Variants in EIF4E1B observed in about 807,000 individuals in gnomAD.
EIF4E1B encodes eukaryotic translation initiation factor 4E type 1B.
In EIF4E1B, 22 loss-of-function variants were observed where a neutral mutation model predicts 31.3. The ratio of observed to expected loss-of-function variants is 0.70; its 90% CI spans 0.50 to 1.00. The LOEUF is 1.00. EIF4E1B is among the 50% of genes least tolerant of loss of function. The pLI is 0.00. For synonymous variants in EIF4E1B, 126 were observed against 120.2 expected (o/e 1.05, Z -0.31); for missense variants, 290 against 311.6 (o/e 0.93, Z 0.52).
chr5:176,637,942 G>T (rs111353542), intron 1 of EIF4E1B, among the ~76,000 whole-genome samples: 1 of 152,320 alleles, frequency 6.6e-6, no homozygotes, highest in Non-Finnish European at 1.5e-5. Flanking sequence ...TGGTGGCAAT[G>T]GAGACCAAGA....
chr5:176,632,476 G>A (rs1052253192), intron 1 of EIF4E1B, among the ~76,000 whole-genome samples: 11 of 152,154 alleles, frequency 7.2e-5, no homozygotes, highest in South Asian at 4.1e-4. Context: ...GGCTGGTCTC[G>A]AACTCCTGAC....
rs532280295 is a variant in EIF4E1B at position 176,636,187 on chromosome 5, C to A, written c.-202+5123C>A. Among the ~76,000 whole-genome samples the A allele has an allele frequency of 8.5e-5, 13 of 152,326 alleles. No individual in the cohort carries two copies. In the East Asian group the frequency reaches 2.3e-3, roughly 27 times the overall value. On this transcript the variant is annotated intron_variant, in intron 1 of 8. Transcript: ENST00000318682. ...CGTATGTGCTTCCCTCAGAAGGGGG[C>A]ACGGATACTGGGTCACCACTCTCTA...
rs773788240 is a variant in EIF4E1B at position 176,645,481 on chromosome 5, G to T, written c.579G>T (p.Arg193Ser). The T allele has an allele frequency of 5.9e-6, 9 of 1,518,914 alleles. No homozygotes were observed. Among genetic ancestry groups the T allele is most frequent in the Non-Finnish European group, 7.9e-6 (9 of 1,135,676 alleles). 94.1% of individuals were successfully genotyped at this position (1,518,914 alleles called of 1,614,324 possible). A position where few individuals can be genotyped will look rare whatever the true frequency, so the allele number is the denominator to read the frequency against. Reference protein sequence around the residue: ...TKGDKIAVWTREAENQAGVLH... With the variant: ...TKGDKIAVWTSEAENQAGVLH... ...GGGACAAGATCGCTGTGTGGACGAGGGAGGCGGAAAACCAGGCGGGCGTGC... is the reference window on the plus strand; with the variant it reads ...GGGACAAGATCGCTGTGTGGACGAGTGAGGCGGAAAACCAGGCGGGCGTGC... Residue 193 changes from arginine to serine, a missense_variant, in exon 8 of 9, where the codon AGG becomes AGT. Arg to Ser is a moderately radical substitution (Grantham distance 110). Transcript: ENST00000318682. The surrounding 1 kb of genome is among the most constrained non-coding windows in gnomAD (Gnocchi z 5.4).
chr5:176,642,851 TCCCCCCCC>T, intron 3 of EIF4E1B, 49 bp downstream of exon 3: 1 of 998,534 alleles, frequency 1.0e-6, no homozygotes, highest in Non-Finnish European at 1.3e-6. Context: ...CCCCGCCCTC[TCCCCCCCC>T]CCCCCCGCCC....
At chr5:176,637,479 A>T (rs1446805605) in intron 1 of EIF4E1B, among the ~76,000 whole-genome samples, 1 of 152,160 alleles carries the variant, frequency 6.6e-6, no homozygotes, top group Non-Finnish European at 1.5e-5. Flanking sequence ...AAGGCAAGTG[A>T]TGAGTAAAAT....
At position 176,646,004 on chromosome 5, in the gene EIF4E1B, T is replaced by A; in HGVS notation, c.*24T>A. On this transcript the variant is annotated 3_prime_UTR_variant, in exon 9 of 9. Transcript: ENST00000318682. ...GAGGGGGGCCTTGGCACCCCTCCTATGTAATGGGACAGCCGCCACTGAGCC... is the reference window on the plus strand; with the variant it reads ...GAGGGGGGCCTTGGCACCCCTCCTAAGTAATGGGACAGCCGCCACTGAGCC... 6.4e-7 allele frequency: 1 copy of A among 1,567,014 alleles called. No individual in the cohort carries two copies. The highest frequency in any genetic ancestry group is 8.7e-7 in the Non-Finnish European group (1 of 1,153,830).
intron 1 of EIF4E1B, among the ~76,000 whole-genome samples, chr5:176,634,312 G>A (rs1245159555): frequency 6.6e-6 from 1 of 152,094 alleles, no homozygotes; most frequent in Non-Finnish European, 1.5e-5. Context: ...TTTAACAAAT[G>A]GCACAAATGG....
chr5:176,631,310 C>A (rs1226068677), intron 1 of EIF4E1B, among the ~76,000 whole-genome samples: 2 of 152,186 alleles, frequency 1.3e-5, no homozygotes, highest in East Asian at 3.8e-4. Flanking sequence ...GAGAACAAAA[C>A]CACTTTTTTG....
chr5:176,643,599 T>G (rs766346748), intron 4 of EIF4E1B, 40 bp from the exon 5 acceptor site: 26 of 1,565,438 alleles, frequency 1.7e-5, no homozygotes, highest in Non-Finnish European at 2.2e-5. Context: ...TGGACTTGGC[T>G]CTCTGCTTCC....
At chr5:176,642,858 C>CACCCG (rs1055727224) in intron 3 of EIF4E1B, 56 bp downstream of exon 3, 5 of 1,290,768 alleles carry the variant, frequency 3.9e-6, no homozygotes, top group Non-Finnish European at 5.0e-6. Flanking sequence ...CTCTCCCCCC[C>CACCCG]CCCCCCCGCC....
At chr5:176,640,698 C>T (rs993219060) in intron 1 of EIF4E1B, among the ~76,000 whole-genome samples, 3 of 152,194 alleles carry the variant, frequency 2.0e-5, no homozygotes, top group Non-Finnish European at 4.4e-5. Context: ...TATCTGATTG[C>T]CTCCCCAGCC....
At position 176,643,558 on chromosome 5, in the gene EIF4E1B, G is replaced by T; in HGVS notation, c.201-81G>T. On this transcript the variant is annotated intron_variant, in intron 4 of 8. Coordinates refer to ENST00000318682, the MANE Select transcript of EIF4E1B (RefSeq NM_001099408.2). Reference sequence around the variant, plus strand: ...TCCCAGTTCGCCCTTGAAGGGGAGGGTCCTCCCTGTCAGTCCAGGTGCCCC... The same window carrying T: ...TCCCAGTTCGCCCTTGAAGGGGAGGTTCCTCCCTGTCAGTCCAGGTGCCCC... 2.9e-6 allele frequency: 4 copies of T among 1,362,094 alleles called. No homozygotes were observed. The Admixed American group carries it at 6.0e-5, about 21-fold the overall frequency. 84.4% of individuals were successfully genotyped at this position (1,362,094 alleles called of 1,614,324 possible).
At position 176,646,332 on chromosome 5, in the gene EIF4E1B, G is replaced by T. The variant is rs1396357122; in HGVS notation, c.*352G>T. On this transcript the variant is annotated 3_prime_UTR_variant, in exon 9 of 9. Transcript: ENST00000318682. The stretch of plus-strand genomic sequence containing the variant: ...ACCCAGGAAGGAGGTGAGGTGGCCT[G>T]AGAGACAGACTCTTCCATGGGTGGT... 2 of 228,896 alleles carry T rather than the reference G, an allele frequency of 8.7e-6. No individual in the cohort carries two copies. Among genetic ancestry groups the T allele is most frequent in the Non-Finnish European group, 1.8e-5 (2 of 112,166 alleles). 14.2% of individuals were successfully genotyped at this position (228,896 alleles called of 1,614,324 possible). A position where few individuals can be genotyped will look rare whatever the true frequency, so the allele number is the denominator to read the frequency against.
At chr5:176,637,777 G>A (rs189579507) in intron 1 of EIF4E1B, among the ~76,000 whole-genome samples, 169 of 152,266 alleles carry the variant, frequency 1.1e-3, no homozygotes, top group Non-Finnish European at 1.9e-3. Context: ...GGGCTCCTGC[G>A]CTGTGAGCAG....
At position 176,633,597 on chromosome 5, in the gene EIF4E1B, A is replaced by G. The variant is rs116425279; in HGVS notation, c.-202+2533A>G. On this transcript the variant is annotated intron_variant, in intron 1 of 8. Transcript: ENST00000318682. ...AGTGCTGGGATTACAGGTATGAGCT[A>G]TTGTACCTGGCCCATGAGCTGCCCA... is the stretch of plus-strand genomic sequence containing the variant. Among the ~76,000 whole-genome samples, 933 of 152,224 alleles carry G rather than the reference A, an allele frequency of 6.1e-3. 11 individuals are homozygous for G. The highest frequency in any genetic ancestry group is 0.022 in the African/African-American group (896 of 41,542).
chr5:176,644,140 A>C, intron 5 of EIF4E1B: 1 of 579,926 alleles, frequency 1.7e-6, no homozygotes, highest in Non-Finnish European at 3.1e-6. Flanking sequence ...AGGGGGGAGC[A>C]CCAGGGGGTC....
chr5:176,631,891 G>A (rs867009954), intron 1 of EIF4E1B, among the ~76,000 whole-genome samples: 5 of 152,156 alleles, frequency 3.3e-5, no homozygotes, highest in Admixed American at 1.3e-4. Context: ...TTTTTTTGTA[G>A]CAAAAAACTG....
chr5:176,642,667 C>A, intron 2 of EIF4E1B, 43 bp from the exon 3 acceptor site: 2 of 1,477,556 alleles, frequency 1.4e-6, no homozygotes, highest in South Asian at 1.3e-5. Flanking sequence ...GCAGACCTTG[C>A]TTTCCCTTCG....
intron 1 of EIF4E1B, chr5:176,641,716 G>GC (rs1311757327): frequency 2.0e-5 from 3 of 152,478 alleles, no homozygotes; most frequent in African/African-American, 4.8e-5. Context: ...ATGGTCACGA[G>GC]CCCCCCAAGT....
Sources: gnomAD v4.1 joint callset for allele counts (sites outside exome capture counted in the v4.1 genomes callset) on GRCh38, gnomAD v4.1.1 for gene constraint, Gnocchi (gnomAD v3.1) non-coding constraint, MANE v1.5 for transcripts, NCBI Gene and HGNC (gene_info 2026-07-23, HGNC 2026-07-21) for gene names.